The following CNKSR2 variants were observed in gnomAD, a reference collection of about 807,000 sequenced individuals.
CNKSR2 encodes the protein CNK homolog protein 2.
A neutral mutation model predicts 84.4 loss-of-function variants in CNKSR2; 14 were observed. That is an observed-to-expected ratio of 0.17 (90% CI 0.11 to 0.26). The LOEUF (loss-of-function observed/expected upper bound fraction) is 0.26, where lower values mean the gene tolerates loss of function less well. Among genes scored for constraint, CNKSR2 ranks in the 10% least tolerant of loss-of-function variants. CNKSR2 has a pLI of 1.00. For synonymous variants in CNKSR2, 275 were observed against 277.9 expected, an observed-to-expected ratio of 0.99 and a Z score of 0.10; for missense variants, 485 against 771.2, an observed-to-expected ratio of 0.63 and a Z score of 4.40.
intron 20 of CNKSR2, among the ~76,000 whole-genome samples, chrX:21,623,502 G>A (rs2092610620): frequency 9.0e-6 from 1 of 111,634 alleles, no homozygotes; most frequent in Non-Finnish European, 1.9e-5. Flanking sequence ...AACATTTCAG[G>A]ATGTATGGTT....
intron 13 of CNKSR2, among the ~76,000 whole-genome samples, chrX:21,577,079 AAT>A (rs1156769308): frequency 3.6e-5 from 4 of 111,953 alleles, no homozygotes; most frequent in African/African-American, 1.3e-4. Flanking sequence ...TAATTTTGAA[AAT>A]ATTGTTTAAA....
chrX:21,626,778 T>A (rs953549152), intron 20 of CNKSR2, among the ~76,000 whole-genome samples: 1 of 112,343 alleles, frequency 8.9e-6, no homozygotes. Flanking sequence ...CAGTTTTTTC[T>A]AGCAATGCCC....
At chrX:21,505,270 T>C (rs1437224574) in intron 8 of CNKSR2, 1 of 111,933 alleles carries the variant, frequency 8.9e-6, no homozygotes, top group African/African-American at 3.3e-5. Flanking sequence ...TTTTATTTTG[T>C]ATTAATATTA....
At chrX:21,467,346 T>G (rs960847493) in intron 4 of CNKSR2, among the ~76,000 whole-genome samples, 4 of 111,208 alleles carry the variant, frequency 3.6e-5, no homozygotes, top group Non-Finnish European at 5.7e-5. Context: ...AGAAGTAAAA[T>G]CTGAAAATTA....
At chrX:21,619,030 A>G (rs757272211) in intron 20 of CNKSR2, among the ~76,000 whole-genome samples, 1 of 112,213 alleles carries the variant, frequency 8.9e-6, no homozygotes, top group East Asian at 2.8e-4. Context: ...TTATTCATTG[A>G]GAGATGGTGC....
intron 20 of CNKSR2, chrX:21,637,152 C>T (rs762565866): frequency 9.0e-6 from 1 of 111,624 alleles, no homozygotes; most frequent in East Asian, 2.8e-4. Context: ...GTGTGATAGA[C>T]TCCTGGATAA....
intron 5 of CNKSR2, among the ~76,000 whole-genome samples, chrX:21,479,101 A>G (rs6633415): frequency 1.7e-3 from 185 of 111,395 alleles, no homozygotes; most frequent in African/African-American, 5.7e-3. Flanking sequence ...ATCATTTCAC[A>G]TTCTATGTCC....
At position 21,537,777 on chromosome X, in the gene CNKSR2, T is replaced by A. The variant is rs1398356581; in HGVS notation, c.1303+5710T>A. 2.8e-5 allele frequency: 3 copies of A among 108,506 alleles called. No homozygotes were observed. In the East Asian group the frequency reaches 8.6e-4, roughly 31 times the overall value. The allele number at this position is 108,506 out of a possible 1,213,427, so 8.9% of individuals were successfully genotyped here. On this transcript the variant is annotated intron_variant, in intron 11 of 21. Coordinates refer to ENST00000379510, the MANE Select transcript of CNKSR2 (RefSeq NM_014927.5). Reference sequence around the variant, plus strand: ...TGAGCTTCTTGTATGCAGTATAGAGTTGGGTCTTGTTTTTTTTTTTTTTTT... The same window carrying A: ...TGAGCTTCTTGTATGCAGTATAGAGATGGGTCTTGTTTTTTTTTTTTTTTT...
chrX:21,606,342 G>C (rs1415390634), intron 18 of CNKSR2, among the ~76,000 whole-genome samples: 1 of 111,456 alleles, frequency 9.0e-6, no homozygotes, highest in Non-Finnish European at 1.9e-5. Context: ...TTTTAGAGTT[G>C]TTTATATCTG....
chrX:21,496,511 G>T (rs1295293622), intron 6 of CNKSR2, among the ~76,000 whole-genome samples: 2 of 111,231 alleles, frequency 1.8e-5, no homozygotes, highest in Non-Finnish European at 3.8e-5. Flanking sequence ...TTTCATATTA[G>T]CAATCCAGGC....
intron 13 of CNKSR2, among the ~76,000 whole-genome samples, chrX:21,584,202 T>C (rs1251956807): frequency 8.9e-6 from 1 of 112,249 alleles, no homozygotes; most frequent in Non-Finnish European, 1.9e-5. Flanking sequence ...ATTCTTCTTA[T>C]CTACCAAAAG....
At chrX:21,593,320 A>G (rs2092432275) in intron 15 of CNKSR2, 1 of 112,250 alleles carries the variant, frequency 8.9e-6, no homozygotes, top group African/African-American at 3.2e-5. Flanking sequence ...TCTTTTTCAT[A>G]ACACATATTC....
chrX:21,591,023 T>C lies in CNKSR2; in HGVS notation c.1659T>C (p.Gly553=), dbSNP rs768840415. The C allele has an allele frequency of 7.5e-6, 9 of 1,205,532 alleles. No individual in the cohort carries two copies. The African/African-American group carries it at 1.2e-4, about 16-fold the overall frequency. The change falls in exon 15 of 22, where the codon GGT becomes GGC. Residue 553 remains glycine, a splice_region_variant and synonymous_variant. Coordinates refer to ENST00000379510, the MANE Select transcript of CNKSR2 (RefSeq NM_014927.5). ...TGAAAGAGCATTTCCACCCTTTAGG[T>C]CCTATAGCAGGCAAGAGCAAAAGAC... ...LQHKSKKKNK[G]PIAGKSKRRI...
At chrX:21,648,760 T>C in intron 20 of CNKSR2, 71 bp from the exon 21 acceptor site, 1 of 910,775 alleles carries the variant, frequency 1.1e-6, no homozygotes, top group Non-Finnish European at 1.5e-6. Context: ...TGCAATGAAT[T>C]CATTTCTCTT....
At chrX:21,491,652 G>A in intron 6 of CNKSR2, 1 of 111,592 alleles carries the variant, frequency 9.0e-6, no homozygotes, top group Admixed American at 9.5e-5. Context: ...TTCCTGGGAA[G>A]GAATATGATG....
intron 6 of CNKSR2, chrX:21,492,815 G>A (rs745617676): frequency 4.5e-5 from 5 of 111,905 alleles, no homozygotes; most frequent in East Asian, 2.8e-4. Flanking sequence ...TCAAGGTATC[G>A]TTTTAAAACT....
At chrX:21,563,032 A>G (rs1288568706) in intron 12 of CNKSR2, among the ~76,000 whole-genome samples, 1 of 111,703 alleles carries the variant, frequency 9.0e-6, no homozygotes, top group Admixed American at 9.5e-5. Context: ...ACTGTATTTC[A>G]CTACATATTT....
chrX:21,385,519 A>C (rs2089956215), intron 1 of CNKSR2, among the ~76,000 whole-genome samples: 1 of 111,960 alleles, frequency 8.9e-6, no homozygotes, highest in Admixed American at 9.5e-5. Context: ...CATTACATTT[A>C]ATGCCTGTCT....
At chrX:21,608,116 A>G (rs1261352806) in intron 19 of CNKSR2, 1 of 111,484 alleles carries the variant, frequency 9.0e-6, no homozygotes, top group South Asian at 3.8e-4. Flanking sequence ...TCATATTATT[A>G]TTAACATGTG....
Sources: allele counts gnomAD v4.1 joint callset (sites outside exome capture counted in the v4.1 genomes callset), GRCh38; gene constraint gnomAD v4.1.1; transcripts MANE v1.5; gene names NCBI Gene and HGNC (gene_info 2026-07-23, HGNC 2026-07-21).